Variants in ZNF208 observed in about 807,000 individuals in gnomAD.
ZNF208 encodes the protein zinc finger protein 208.
A neutral mutation model predicts 12.1 loss-of-function variants in ZNF208; 10 were observed. The observed-to-expected ratio is 0.83, with a 90% confidence interval of 0.51 to 1.40. The LOEUF (loss-of-function observed/expected upper bound fraction) is 1.40. Among genes scored for constraint, ZNF208 ranks in the 40% most tolerant of loss-of-function variants. ZNF208 has a pLI of 0.00. For synonymous variants in ZNF208, 497 were observed against 488.4 expected, an observed-to-expected ratio of 1.02 and a Z score of -0.23; for missense variants, 1,652 against 1,485.0, an observed-to-expected ratio of 1.11 and a Z score of -1.85.
chr19:21,962,202 T>C (rs1364992055), downstream of ZNF208, among the ~76,000 whole-genome samples: 1 of 152,114 alleles, frequency 6.6e-6, no homozygotes, highest in Non-Finnish European at 1.5e-5. Flanking sequence ...GTCCCTCCAT[T>C]TGGGGTCCTT....
chr19:21,987,913 T>TC (rs1970655125), intron 2 of ZNF208, among the ~76,000 whole-genome samples: 1 of 152,112 alleles, frequency 6.6e-6, no homozygotes, highest in South Asian at 2.1e-4. Context: ...GTGCAACTGG[T>TC]CCCCTGGCAC....
chr19:21,942,665 T>G (rs1389400887), intron 4 of ZNF208, among the ~76,000 whole-genome samples: 1 of 152,200 alleles, frequency 6.6e-6, no homozygotes, highest in Non-Finnish European at 1.5e-5. Flanking sequence ...CTTTCTTTTT[T>G]TCAGACAGAG....
chr19:21,979,723 C>T (rs892807159), intron 3 of ZNF208, among the ~76,000 whole-genome samples: 4 of 152,152 alleles, frequency 2.6e-5, no homozygotes, highest in African/African-American at 9.7e-5. Context: ...CAAATTCACA[C>T]ACAACAATAT....
chr19:22,006,341 C>T (rs539098447), intron 1 of ZNF208, among the ~76,000 whole-genome samples: 4 of 152,060 alleles, frequency 2.6e-5, no homozygotes, highest in Non-Finnish European at 4.4e-5. Context: ...GTACTTCCTC[C>T]TGTTGTAATA....
At position 21,973,772 on chromosome 19, in the gene ZNF208, C is replaced by G. The variant is rs370336128; in HGVS notation, c.1262G>C (p.Gly421Ala). ...ILTKHEVIHTGEKPYKCEECG... is the reference protein window; with the variant it reads ...ILTKHEVIHTAEKPYKCEECG... ...TTCTTCACATTTGTAGGGTTTCTCT[C>G]CAGTATGAATGACCTCATGTTTAGT... The change falls in exon 4 of 4, where the codon GGA becomes GCA. Residue 421 changes from glycine (G) to alanine (A), a missense_variant. This residue lies in a region of ZNF208 where 1,239 missense variants were observed against 1,086.2 expected (regional missense o/e 1.14). Coordinates refer to ENST00000397126, the MANE Select transcript of ZNF208 (RefSeq NM_007153.3). The G allele has an allele frequency of 1.0e-5, 16 of 1,606,028 alleles. No individual in the cohort carries two copies. In the African/African-American group the frequency reaches 1.6e-4, roughly 16 times the overall value.
At chr19:21,962,397 T>C (rs746322662), downstream of ZNF208, among the ~76,000 whole-genome samples, 5 of 152,168 alleles carry the variant, frequency 3.3e-5, no homozygotes, top group Non-Finnish European at 7.4e-5. Flanking sequence ...TTAATTCATT[T>C]AGACTTTATT....
chr19:22,008,832 C>T (rs1170114235), intron 1 of ZNF208, among the ~76,000 whole-genome samples: 1 of 152,100 alleles, frequency 6.6e-6, no homozygotes, highest in Non-Finnish European at 1.5e-5. Context: ...TCTTGAGAGG[C>T]TACACTCCAT....
At chr19:21,954,668 T>C (rs1457429907) in intron 4 of ZNF208, among the ~76,000 whole-genome samples, 1 of 152,212 alleles carries the variant, frequency 6.6e-6, no homozygotes, top group Non-Finnish European at 1.5e-5. Context: ...CCTGCTTTTT[T>C]TGGTTTTCCA....
chr19:21,981,011 G>C (rs1232573596), intron 3 of ZNF208, among the ~76,000 whole-genome samples: 1 of 152,054 alleles, frequency 6.6e-6, no homozygotes, highest in Admixed American at 6.6e-5. Context: ...GTCTAAATCA[G>C]GAAGAAGTCA....
intron 4 of ZNF208, among the ~76,000 whole-genome samples, chr19:21,960,860 G>A (rs555491907): frequency 1.4e-4 from 22 of 152,266 alleles, no homozygotes; most frequent in African/African-American, 2.6e-4. Context: ...AGCGTTTGGA[G>A]AGTCTCTATG....
intron 1 of ZNF208, among the ~76,000 whole-genome samples, chr19:21,993,663 T>A (rs1450925670): frequency 1.3e-5 from 2 of 152,182 alleles, no homozygotes; most frequent in Admixed American, 6.5e-5. Context: ...TCAATAATGA[T>A]GTTGCTCCCA....
rs1237661264 is a variant in ZNF208, at chr19:21,978,897, A to G, written c.227-4090T>C. Among the ~76,000 whole-genome samples, 4 of 152,348 alleles carry G rather than the reference A, an allele frequency of 2.6e-5. No individual in the cohort carries two copies. In the East Asian group the frequency reaches 5.8e-4, roughly 22 times the overall value. ...TAGAGAACATAAATGCCTGATGGAG[A>G]TGAAAAACACACCACGAGAACTTCA... On this transcript the variant is annotated intron_variant, in intron 3 of 3. Transcript: ENST00000397126.
At position 21,971,371 on chromosome 19, in the gene ZNF208, T is replaced by C. The variant is rs1431169406; in HGVS notation, c.3663A>G (p.Gly1221=). The change falls in exon 4 of 4, where the codon GGA becomes GGG. Residue 1221 remains glycine, a synonymous_variant. Coordinates refer to ENST00000397126, the MANE Select transcript of ZNF208 (RefSeq NM_007153.3). ...TLRYHKKIHT[G]EKPYKCEECG... is the part of the protein sequence containing the mutation. ...ATTCTTCACATTTGTAGGGTTTCTC[T>C]CCAGTATGAATTTTCTTGTGATATC... is the stretch of plus-strand genomic sequence containing the variant. The C allele has an allele frequency of 6.2e-7, 1 of 1,610,232 alleles. No homozygotes were observed. The highest frequency in any genetic ancestry group is 2.2e-5 in the East Asian group (1 of 44,806).
At chr19:21,965,799 T>TG (rs1555742829), downstream of ZNF208, 3 of 148,242 alleles carry the variant, frequency 2.0e-5, no homozygotes, top group Non-Finnish European at 4.4e-5. Flanking sequence ...TAGTTCATTC[T>TG]GAAAAAAAAA....
intron 1 of ZNF208, among the ~76,000 whole-genome samples, chr19:22,007,328 G>C (rs1317082199): frequency 6.6e-6 from 1 of 151,198 alleles, no homozygotes; most frequent in East Asian, 2.0e-4. Flanking sequence ...GACCATCCTG[G>C]CTAACACGGT....
At chr19:21,991,183 C>T (rs1970726574) in intron 1 of ZNF208, among the ~76,000 whole-genome samples, 1 of 152,032 alleles carries the variant, frequency 6.6e-6, no homozygotes. Context: ...TGTCTTGTGC[C>T]AGTTTTCAAA....
chr19:21,977,743 C>T (rs1970460708), intron 3 of ZNF208, among the ~76,000 whole-genome samples: 1 of 152,136 alleles, frequency 6.6e-6, no homozygotes, highest in South Asian at 2.1e-4. Flanking sequence ...ACCGTTCACT[C>T]CCCTGGAAAG....
intron 1 of ZNF208, among the ~76,000 whole-genome samples, chr19:22,004,877 A>G (rs1971018725): frequency 6.6e-6 from 1 of 152,192 alleles, no homozygotes; most frequent in African/African-American, 2.4e-5. Context: ...TTTTAGCTGT[A>G]TAACAAAGCT....
At chr19:21,940,779 C>T (rs1969726425) in intron 4 of ZNF208, 1 of 152,576 alleles carries the variant, frequency 6.6e-6, no homozygotes, top group Non-Finnish European at 1.5e-5. Context: ...TCTACGGGCC[C>T]CTGCACAATC....
Sources: gnomAD v4.1 joint callset for allele counts (sites outside exome capture counted in the v4.1 genomes callset) on GRCh38, gnomAD v4.1.1 for gene constraint, gnomAD v4.1.1 regional missense constraint, MANE v1.5 for transcripts, NCBI Gene and HGNC (gene_info 2026-07-23, HGNC 2026-07-21) for gene names.